NCKAP5: variants seen among roughly 807,000 people sequenced by gnomAD.
NCKAP5 encodes NCK associated protein 5.
Under a neutral mutation model 167.0 loss-of-function variants are expected in NCKAP5, and 92 were observed. The observed-to-expected ratio is 0.55, with a 90% confidence interval of 0.47 to 0.66. The LOEUF (loss-of-function observed/expected upper bound fraction) is 0.66, where lower values mean the gene tolerates loss of function less well. Ranked by LOEUF, NCKAP5 falls within the 30% of genes least tolerant of loss-of-function variation. The pLI is 0.00. For synonymous variants in NCKAP5, 891 were observed against 877.4 expected (o/e 1.02, Z -0.27); for missense variants, 2,378 against 2,315.0 (o/e 1.03, Z -0.56).
chr2:133,578,803 A>G, the NCKAP5 span, among the ~76,000 whole-genome samples: 2 of 152,222 alleles, frequency 1.3e-5, no homozygotes, highest in African/African-American at 4.8e-5. Flanking sequence ...CATGACCTCA[A>G]GAACTTTAAG....
At chr2:133,367,891 T>C (rs1297231230) in intron 3 of NCKAP5, among the ~76,000 whole-genome samples, 1 of 152,162 alleles carries the variant, frequency 6.6e-6, no homozygotes, top group Non-Finnish European at 1.5e-5. Flanking sequence ...CAGAGCTTTT[T>C]GGATGTTAGG....
chr2:133,188,992 A>G (rs2085081470), intron 5 of NCKAP5, among the ~76,000 whole-genome samples: 1 of 152,228 alleles, frequency 6.6e-6, no homozygotes, highest in African/African-American at 2.4e-5. Flanking sequence ...CAATGAATCC[A>G]GGAGCTGGTT....
rs1304562256 is a variant in NCKAP5, at chr2:133,303,056, G to T, written c.124C>A (p.Gln42Lys). ...IEHLLTQLEE[Q>K]HRSLWREKLA... The stretch of plus-strand genomic sequence containing the variant: ...ACTCACCTCCAGAGACTCCTGTGTT[G>T]CTCCTCAAGCTGAGTCAGCAGATGC... Residue 42 changes from glutamine to lysine, a missense_variant, in exon 4 of 20, where the codon CAA becomes AAA. By Grantham distance (53) the Gln-to-Lys change is moderately conservative (BLOSUM62 1). Transcript: ENST00000409261. 14 of 1,600,374 alleles carry T rather than the reference G, an allele frequency of 8.7e-6. No individual in the cohort carries two copies. The highest frequency in any genetic ancestry group is 1.2e-5 in the Non-Finnish European group (14 of 1,173,006).
At position 132,673,273 on chromosome 2, in the gene NCKAP5, A is replaced by G; in HGVS notation, c.*16T>C. The G allele has an allele frequency of 4.0e-6, 6 of 1,516,384 alleles. No individual in the cohort carries two copies. Among genetic ancestry groups the G allele is most frequent in the Non-Finnish European group, 5.3e-6 (6 of 1,132,128 alleles). The allele number at this position is 1,516,384 out of a possible 1,614,324, so 93.9% of individuals were successfully genotyped here. ...AAATTTTCGATAATCTATTCTCGGG[A>G]TCGTCTTTTGTTTCTTCAAGTTGTC... On this transcript the variant is annotated 3_prime_UTR_variant, in exon 20 of 20. Coordinates refer to ENST00000409261, the MANE Select transcript of NCKAP5 (RefSeq NM_207363.3).
At chr2:133,522,365 T>G (rs1040941928) in intron 2 of NCKAP5, among the ~76,000 whole-genome samples, 2 of 152,136 alleles carry the variant, frequency 1.3e-5, no homozygotes, top group African/African-American at 4.8e-5. Flanking sequence ...CTACAGTAAT[T>G]TCCTTTTTCT....
the NCKAP5 span, among the ~76,000 whole-genome samples, chr2:133,608,750 T>C: frequency 6.6e-6 from 1 of 152,198 alleles, no homozygotes; most frequent in East Asian, 1.9e-4. Flanking sequence ...CCTGAAATGT[T>C]CTCAGATTTA....
chr2:133,383,071 A>AT (rs1281620778), intron 3 of NCKAP5, among the ~76,000 whole-genome samples: 1 of 151,792 alleles, frequency 6.6e-6, no homozygotes, highest in African/African-American at 2.4e-5. Flanking sequence ...TTTAAAAAAA[A>AT]TTTTTTTATT....
At chr2:133,339,460 A>G (rs563034718) in intron 3 of NCKAP5, among the ~76,000 whole-genome samples, 3 of 152,200 alleles carry the variant, frequency 2.0e-5, no homozygotes, top group Non-Finnish European at 4.4e-5. Context: ...AAATAATTCC[A>G]TGACTTTTGA....
intron 7 of NCKAP5, among the ~76,000 whole-genome samples, chr2:132,989,372 T>C (rs1029469534): frequency 1.3e-5 from 2 of 152,192 alleles, no homozygotes; most frequent in Non-Finnish European, 2.9e-5. Flanking sequence ...GTGACACAAA[T>C]ATGAAACATA....
At chr2:133,547,760 A>C (rs1394889363) in intron 2 of NCKAP5, among the ~76,000 whole-genome samples, 1 of 149,788 alleles carries the variant, frequency 6.7e-6, no homozygotes, top group Non-Finnish European at 1.5e-5. Context: ...AAAGTAGATA[A>C]AACCACAAAG....
intron 8 of NCKAP5, among the ~76,000 whole-genome samples, chr2:132,885,663 G>C (rs2148842438): frequency 6.6e-6 from 1 of 152,338 alleles, no homozygotes; most frequent in East Asian, 1.9e-4. Context: ...GGTTTGACTT[G>C]ATACGTAAAA....
the NCKAP5 span, among the ~76,000 whole-genome samples, chr2:133,580,135 C>T: frequency 6.6e-6 from 1 of 152,168 alleles, no homozygotes; most frequent in African/African-American, 2.4e-5. Context: ...TCCCAGCTTC[C>T]TTTCGGGAAT....
At chr2:133,637,476 C>CAAAAA in the NCKAP5 span, among the ~76,000 whole-genome samples, 16 of 31,670 alleles carry the variant, frequency 5.1e-4, no homozygotes, top group African/African-American at 2.2e-3. Context: ...TGGTATTTTC[C>CAAAAA]AAAAAAAAAA....
chr2:133,067,427 G>A (rs546519237), intron 6 of NCKAP5, among the ~76,000 whole-genome samples: 12 of 152,384 alleles, frequency 7.9e-5, no homozygotes, highest in African/African-American at 2.9e-4. Flanking sequence ...CCATGATCAT[G>A]AGAATGGGAA....
At chr2:133,365,048 G>A (rs1320306502) in intron 3 of NCKAP5, among the ~76,000 whole-genome samples, 1 of 152,096 alleles carries the variant, frequency 6.6e-6, no homozygotes, top group African/African-American at 2.4e-5. Flanking sequence ...ACCATGCCTG[G>A]CCTTTATAAT....
chr2:132,916,743 C>A (rs1415291921), intron 8 of NCKAP5, among the ~76,000 whole-genome samples: 16 of 152,016 alleles, frequency 1.1e-4, no homozygotes, highest in Admixed American at 1.0e-3. Context: ...ATTTCTAGAC[C>A]ACCTTTGGAA....
intron 5 of NCKAP5, among the ~76,000 whole-genome samples, chr2:133,138,702 C>T (rs1353719270): frequency 6.6e-6 from 1 of 152,134 alleles, no homozygotes; most frequent in Non-Finnish European, 1.5e-5. Context: ...GCCTTGGCCT[C>T]CATTTTAAAT....
At chr2:133,399,614 C>T (rs1687973308) in intron 3 of NCKAP5, among the ~76,000 whole-genome samples, 1 of 152,070 alleles carries the variant, frequency 6.6e-6, no homozygotes, top group Non-Finnish European at 1.5e-5. Flanking sequence ...TCAATAAGAA[C>T]AACTTTAACA....
chr2:133,666,342 C>A, the NCKAP5 span, among the ~76,000 whole-genome samples: 1 of 151,702 alleles, frequency 6.6e-6, no homozygotes, highest in Non-Finnish European at 1.5e-5. Flanking sequence ...GGATTACAGG[C>A]AGCCACCACC....
Sources: allele counts gnomAD v4.1 joint callset (sites outside exome capture counted in the v4.1 genomes callset), GRCh38; gene constraint gnomAD v4.1.1; transcripts MANE v1.5; gene names NCBI Gene and HGNC (gene_info 2026-07-23, HGNC 2026-07-21).